RAB11FIP4: variants seen among roughly 807,000 people sequenced by gnomAD.
The protein encoded by RAB11FIP4 is rab11 family-interacting protein 4.
In RAB11FIP4, 23 loss-of-function variants were observed where a neutral mutation model predicts 74.3. The ratio of observed to expected loss-of-function variants is 0.31; its 90% CI spans 0.22 to 0.44. The LOEUF (loss-of-function observed/expected upper bound fraction) is 0.44. Among genes scored for constraint, RAB11FIP4 ranks in the 20% least tolerant of loss-of-function variants. The pLI, the probability that RAB11FIP4 is intolerant of heterozygous loss-of-function variation, is 1.00. For synonymous variants in RAB11FIP4, 360 were observed against 359.9 expected (o/e 1.00, Z 0.00); for missense variants, 630 against 863.9 (o/e 0.73, Z 3.39).
At chr17:31,530,286 C>T (rs1419127121) in intron 13 of RAB11FIP4, 40 bp from the exon 14 acceptor site, 1 of 1,606,102 alleles carries the variant, frequency 6.2e-7, no homozygotes, top group African/African-American at 1.3e-5. Context: ...GCTGTGGATG[C>T]CTCTTGGGGT....
At chr17:31,437,093 C>T (rs916160896) in intron 3 of RAB11FIP4, among the ~76,000 whole-genome samples, 1 of 152,138 alleles carries the variant, frequency 6.6e-6, no homozygotes. Context: ...CTCCTTTCTG[C>T]CCTCCATGGA....
chr17:31,522,455 G>C, intron 7 of RAB11FIP4, 60 bp downstream of exon 7: 1 of 1,559,334 alleles, frequency 6.4e-7, no homozygotes, highest in Non-Finnish European at 8.8e-7. Flanking sequence ...CCACTGGCCG[G>C]GGCTCCCTGC....
intron 1 of RAB11FIP4, 121 bp from the exon 2 acceptor site, chr17:31,431,692 G>A (rs780215144): frequency 1.3e-6 from 1 of 754,328 alleles, no homozygotes; most frequent in Non-Finnish European, 2.3e-6. Flanking sequence ...CCAGGGTGAG[G>A]GTAAGAGGAC....
In RAB11FIP4 at chr17:31,391,817, G is replaced by A. The variant is rs2070873586; in HGVS notation, c.-36G>A. The A allele has an allele frequency of 1.0e-6, 1 of 985,850 alleles. No homozygotes were observed. The highest frequency in any genetic ancestry group is 1.8e-5 in the African/African-American group (1 of 56,802). The allele number at this position is 985,850 out of a possible 1,614,324, so 61.1% of individuals were successfully genotyped here. On this transcript the variant is annotated 5_prime_UTR_variant, in exon 1 of 15. Transcript: ENST00000621161. ...CGGCGGGCAGGCGGCGGGCGCGGCG[G>A]GCGAGGGGTCCGGGCTGAGCTGCGG... is the stretch of plus-strand genomic sequence containing the variant.
chr17:31,485,534 T>C (rs2071892381), intron 3 of RAB11FIP4, among the ~76,000 whole-genome samples: 1 of 152,184 alleles, frequency 6.6e-6, no homozygotes, highest in African/African-American at 2.4e-5. Context: ...TGACCTGCTT[T>C]GAGCCTAATA....
intron 3 of RAB11FIP4, among the ~76,000 whole-genome samples, chr17:31,496,660 T>C (rs868349344): frequency 6.6e-6 from 1 of 152,208 alleles, no homozygotes; most frequent in African/African-American, 2.4e-5. Flanking sequence ...TGAAGCTCCC[T>C]GGGGTGGGAA....
intron 1 of RAB11FIP4, chr17:31,392,306 C>G (rs894591735): frequency 2.8e-5 from 7 of 251,516 alleles, no homozygotes; most frequent in African/African-American, 4.5e-5. Context: ...GTCTGCACAT[C>G]CACCCTTGTC....
intron 3 of RAB11FIP4, among the ~76,000 whole-genome samples, chr17:31,481,349 T>C (rs187355308): frequency 1.3e-5 from 2 of 152,234 alleles, no homozygotes; most frequent in African/African-American, 4.8e-5. Context: ...GTTCTTCAAG[T>C]GATCCTGATG....
chr17:31,465,289 A>G (rs2071673596), intron 3 of RAB11FIP4, among the ~76,000 whole-genome samples: 1 of 152,030 alleles, frequency 6.6e-6, no homozygotes. Context: ...TGTCCATGTT[A>G]AATGCAGATT....
chr17:31,416,456 T>C (rs1254699072), intron 1 of RAB11FIP4, among the ~76,000 whole-genome samples: 1 of 152,200 alleles, frequency 6.6e-6, no homozygotes, highest in Non-Finnish European at 1.5e-5. Flanking sequence ...TTGCTGAAGT[T>C]CTTGCCTGGC....
rs780766424 is a variant in RAB11FIP4, at chr17:31,527,869, A to G, written c.1302A>G (p.Thr434=). 5.6e-6 allele frequency: 9 copies of G among 1,607,208 alleles called. No individual in the cohort carries two copies. The South Asian group carries it at 9.0e-5, about 16-fold the overall frequency. Residue 434 remains threonine (T), a synonymous_variant, in exon 11 of 15, where the codon ACA becomes ACG. Coordinates refer to ENST00000621161, the MANE Select transcript of RAB11FIP4 (RefSeq NM_032932.6). ...TGCAGCAGTTGGAGGAAGAAAATAC[A>G]GAGCTTAGAACAACAGTGACTCGGC... ...ARVQQLEEEN[T]ELRTTVTRLK... is the part of the protein sequence containing the mutation.
rs531845980 is a variant in RAB11FIP4 at position 31,433,992 on chromosome 17, G to C, written c.248-42G>C. The C allele has an allele frequency of 3.9e-6, 6 of 1,542,094 alleles. No homozygotes were observed. In the South Asian group the frequency reaches 7.1e-5, roughly 18 times the overall value. ...AGCAGAGCAGCCGTCCCAGGCTGAG[G>C]CTCAACCCCTCACTGTCCCGTGTGT... On this transcript the variant is annotated intron_variant, in intron 2 of 14. Transcript: ENST00000621161.
intron 3 of RAB11FIP4, among the ~76,000 whole-genome samples, chr17:31,500,935 G>A (rs1348424015): frequency 6.6e-6 from 1 of 151,770 alleles, no homozygotes; most frequent in African/African-American, 2.4e-5. Context: ...AGGCAGGAGA[G>A]TCGCTTGAAC....
chr17:31,521,755 G>T, intron 5 of RAB11FIP4, 160 bp from the exon 6 acceptor site: 1 of 770,542 alleles, frequency 1.3e-6, no homozygotes, highest in Non-Finnish European at 2.0e-6. Flanking sequence ...TGAGCGTGTT[G>T]GAGAAGGGAT....
chr17:31,402,686 A>G (rs1033693339), intron 1 of RAB11FIP4, among the ~76,000 whole-genome samples: 4 of 151,150 alleles, frequency 2.6e-5, no homozygotes, highest in African/African-American at 7.4e-5. Flanking sequence ...CAGTGGCGCA[A>G]TCTTGACTCA....
At chr17:31,392,253 T>C in intron 1 of RAB11FIP4, 1 of 333,754 alleles carries the variant, frequency 3.0e-6, no homozygotes, top group Non-Finnish European at 5.4e-6. Context: ...GGGTGGCTTC[T>C]GCGCCCACCT....
In RAB11FIP4 at chr17:31,438,956, A is replaced by T. The variant is rs189826774; in HGVS notation, c.336+4834A>T. On this transcript the variant is annotated intron_variant, in intron 3 of 14. Coordinates refer to ENST00000621161, the MANE Select transcript of RAB11FIP4 (RefSeq NM_032932.6). ...GTGAGACTGCTTCTCTTAAAAAAAA[A>T]ATTTTTACTTAGGTACCGCCTCCTC... 5.0e-3 allele frequency among the ~76,000 whole-genome samples: 755 copies of T among 152,026 alleles called. 5 individuals carry two copies. The highest frequency in any genetic ancestry group is 0.014 in the African/African-American group (577 of 41,456).
intron 3 of RAB11FIP4, among the ~76,000 whole-genome samples, chr17:31,477,623 C>T (rs1436809127): frequency 4.6e-5 from 7 of 152,224 alleles, no homozygotes; most frequent in Admixed American, 4.6e-4. Context: ...CTAGGTCTGG[C>T]CTGCGGTTTC....
At chr17:31,407,040 A>ATCTTTTT (rs2071048942) in intron 1 of RAB11FIP4, among the ~76,000 whole-genome samples, 1 of 51,208 alleles carries the variant, frequency 2.0e-5, no homozygotes, top group East Asian at 5.8e-4. Context: ...GTTTCACTTG[A>ATCTTTTT]TTTTTTTTTT....
Sources: gnomAD v4.1 joint callset for allele counts (sites outside exome capture counted in the v4.1 genomes callset) on GRCh38, gnomAD v4.1.1 for gene constraint, MANE v1.5 for transcripts, NCBI Gene and HGNC (gene_info 2026-07-23, HGNC 2026-07-21) for gene names.